DCDC1: variants seen among roughly 807,000 people sequenced by gnomAD.
The protein encoded by DCDC1 is doublecortin domain-containing protein 1.
In DCDC1, 200 loss-of-function variants were observed where a neutral mutation model predicts 178.3. That is an observed-to-expected ratio of 1.12 (90% CI 1.00 to 1.26). The LOEUF (loss-of-function observed/expected upper bound fraction) is 1.26, where lower values mean the gene tolerates loss of function less well. Ranked by LOEUF, DCDC1 falls within the 50% of genes most tolerant of loss-of-function variation. The pLI, the probability that DCDC1 is intolerant of heterozygous loss-of-function variation, is 0.00. For synonymous variants in DCDC1, 690 were observed against 604.8 expected (o/e 1.14, Z -2.07); for missense variants, 1,983 against 1,749.2 (o/e 1.13, Z -2.38).
intron 20 of DCDC1, among the ~76,000 whole-genome samples, chr11:31,035,139 A>C (rs1315449753): frequency 2.0e-5 from 3 of 152,234 alleles, no homozygotes; most frequent in Non-Finnish European, 2.9e-5. Context: ...ATTTGGAGAT[A>C]ATTTTAGACT....
intron 20 of DCDC1, among the ~76,000 whole-genome samples, chr11:30,955,394 C>A (rs1948710523): frequency 6.6e-6 from 1 of 152,120 alleles, no homozygotes; most frequent in African/African-American, 2.4e-5. Context: ...TCCTGGCTTA[C>A]TTTTGTTCTC....
intron 9 of DCDC1, among the ~76,000 whole-genome samples, chr11:31,230,925 A>T (rs1259700915): frequency 6.6e-6 from 1 of 151,912 alleles, no homozygotes; most frequent in Admixed American, 6.6e-5. Context: ...ACATGAAAAA[A>T]ACTCTTCTTT....
intron 9 of DCDC1, among the ~76,000 whole-genome samples, chr11:31,154,041 C>T (rs1360753300): frequency 6.6e-6 from 1 of 152,170 alleles, no homozygotes; most frequent in Non-Finnish European, 1.5e-5. Flanking sequence ...TTCTCCCTTG[C>T]TATTCTCACG....
intron 9 of DCDC1, among the ~76,000 whole-genome samples, chr11:31,195,726 C>T (rs1464731446): frequency 6.6e-6 from 1 of 151,912 alleles, no homozygotes; most frequent in African/African-American, 2.4e-5. Context: ...GTGACTTCCC[C>T]TACTTATTAG....
intron 3 of DCDC1, among the ~76,000 whole-genome samples, chr11:31,322,007 C>G (rs1949390327): frequency 2.0e-5 from 3 of 152,208 alleles, no homozygotes; most frequent in Admixed American, 2.0e-4. Context: ...TTAATTCTGT[C>G]AGATCATAGT....
At chr11:31,357,569 T>C (rs1220782212) in intron 1 of DCDC1, among the ~76,000 whole-genome samples, 2 of 152,132 alleles carry the variant, frequency 1.3e-5, no homozygotes, top group Admixed American at 6.5e-5. Flanking sequence ...TTCAACATAG[T>C]GTTGGAAGTT....
At chr11:31,290,284 C>T (rs1025943797) in intron 7 of DCDC1, among the ~76,000 whole-genome samples, 5 of 151,930 alleles carry the variant, frequency 3.3e-5, no homozygotes, top group African/African-American at 1.2e-4. Flanking sequence ...TGAAAAGAGG[C>T]AGATTTGAGA....
chr11:31,300,619 A>C (rs578061319), intron 6 of DCDC1, among the ~76,000 whole-genome samples: 1 of 152,240 alleles, frequency 6.6e-6, no homozygotes, highest in African/African-American at 2.4e-5. Context: ...CATTTCTCAC[A>C]ACTCTCCTAA....
At chr11:30,933,083 G>T (rs889855769) in intron 21 of DCDC1, among the ~76,000 whole-genome samples, 2 of 151,892 alleles carry the variant, frequency 1.3e-5, no homozygotes, top group East Asian at 3.9e-4. Flanking sequence ...ACTACTGCAT[G>T]TAAGTGTAGA....
intron 17 of DCDC1, among the ~76,000 whole-genome samples, chr11:31,088,119 A>C (rs1957591760): frequency 6.6e-6 from 1 of 152,066 alleles, no homozygotes; most frequent in African/African-American, 2.4e-5. Context: ...TCTGATATTA[A>C]TATATCCATT....
chr11:31,237,181 T>A (rs952604537), intron 9 of DCDC1, among the ~76,000 whole-genome samples: 19 of 151,892 alleles, frequency 1.3e-4, no homozygotes, highest in Non-Finnish European at 2.2e-4. Flanking sequence ...AAAGTGTGGA[T>A]AAAGTGAGCC....
chr11:31,084,820 G>A (rs982864028), intron 17 of DCDC1, among the ~76,000 whole-genome samples: 1 of 151,576 alleles, frequency 6.6e-6, no homozygotes, highest in African/African-American at 2.4e-5. Context: ...TTCAGCCTCA[G>A]CCCACTCAAT....
intron 17 of DCDC1, among the ~76,000 whole-genome samples, chr11:31,089,046 T>G (rs1957642358): frequency 6.6e-6 from 1 of 152,170 alleles, no homozygotes; most frequent in Non-Finnish European, 1.5e-5. Context: ...GCCAGTGCTC[T>G]ATATTTCCAT....
intron 9 of DCDC1, among the ~76,000 whole-genome samples, chr11:31,158,352 T>C (rs996490288): frequency 2.2e-4 from 33 of 151,856 alleles, no homozygotes; most frequent in Non-Finnish European, 3.7e-4. Context: ...CTCCTGACCT[T>C]GTGATCTGCC....
At chr11:30,946,854 C>A (rs1001004014) in intron 21 of DCDC1, among the ~76,000 whole-genome samples, 1 of 152,172 alleles carries the variant, frequency 6.6e-6, no homozygotes, top group African/African-American at 2.4e-5. Flanking sequence ...TAGCTTTTAT[C>A]TGGATGGAAT....
chr11:31,165,041 C>T (rs1009381393), intron 9 of DCDC1, among the ~76,000 whole-genome samples: 6 of 152,124 alleles, frequency 3.9e-5, no homozygotes, highest in African/African-American at 1.4e-4. Flanking sequence ...ATATGCTATA[C>T]AGGTTTGTAG....
chr11:31,335,788 G>A (rs1950243349), intron 1 of DCDC1, among the ~76,000 whole-genome samples: 2 of 152,162 alleles, frequency 1.3e-5, no homozygotes, highest in African/African-American at 2.4e-5. Flanking sequence ...TTTCCAGGGT[G>A]TAATCCTGGT....
At chr11:31,192,179 G>C (rs1020410182) in intron 9 of DCDC1, among the ~76,000 whole-genome samples, 3 of 151,992 alleles carry the variant, frequency 2.0e-5, no homozygotes, top group East Asian at 1.9e-4. Context: ...CACTCACTTG[G>C]ATTATTGCCA....
At chr11:31,051,949 C>G (rs946796515) in intron 20 of DCDC1, among the ~76,000 whole-genome samples, 1 of 151,932 alleles carries the variant, frequency 6.6e-6, no homozygotes, top group African/African-American at 2.4e-5. Flanking sequence ...AACAAAAAAA[C>G]AAATTACACA....
Sources: allele counts gnomAD v4.1 joint callset (sites outside exome capture counted in the v4.1 genomes callset), GRCh38; gene constraint gnomAD v4.1.1; transcripts MANE v1.5; gene names NCBI Gene and HGNC (gene_info 2026-07-23, HGNC 2026-07-21).